EXOC4: variants seen among roughly 807,000 people sequenced by gnomAD.
EXOC4 encodes SEC8-like 1.
A neutral mutation model predicts 107.2 loss-of-function variants in EXOC4; 71 were observed. The ratio of observed to expected loss-of-function variants is 0.66; its 90% confidence interval spans 0.55 to 0.81. EXOC4 has a LOEUF of 0.81. Ranked by LOEUF, EXOC4 falls within the 30% of genes least tolerant of loss-of-function variation. EXOC4 has a pLI of 0.00. For synonymous variants in EXOC4, 456 were observed against 441.2 expected, an observed-to-expected ratio of 1.03 and a Z score of -0.42; for missense variants, 1,108 against 1,189.6, an observed-to-expected ratio of 0.93 and a Z score of 1.01.
chr7:134,090,750 T>G, the EXOC4 span, among the ~76,000 whole-genome samples: 2 of 152,002 alleles, frequency 1.3e-5, no homozygotes, highest in African/African-American at 2.4e-5. Context: ...ACTCCCCATG[T>G]CCCATGATCC....
chr7:133,640,641 A>G (rs963251047), intron 10 of EXOC4, among the ~76,000 whole-genome samples: 1 of 152,210 alleles, frequency 6.6e-6, no homozygotes, highest in Non-Finnish European at 1.5e-5. Flanking sequence ...CATTCTCTTC[A>G]TGATGAATGT....
chr7:133,329,052 C>A (rs911585513), intron 5 of EXOC4, among the ~76,000 whole-genome samples: 1 of 152,162 alleles, frequency 6.6e-6, no homozygotes, highest in African/African-American at 2.4e-5. Flanking sequence ...CTTTCAGGTA[C>A]ACCAATCAAA....
chr7:133,316,695 G>A (rs747178637), intron 4 of EXOC4, among the ~76,000 whole-genome samples: 1 of 152,152 alleles, frequency 6.6e-6, no homozygotes, highest in Non-Finnish European at 1.5e-5. Context: ...CTTAGGAAAG[G>A]TGAAATGGGT....
intron 2 of EXOC4, 94 bp from the exon 3 acceptor site, chr7:133,288,828 C>A: frequency 1.0e-6 from 1 of 977,990 alleles, no homozygotes; most frequent in Non-Finnish European, 1.5e-6. Context: ...GGAACTGCTG[C>A]ATACAGTAGT....
At chr7:133,344,353 TTCTG>T (rs1401594227) in intron 5 of EXOC4, among the ~76,000 whole-genome samples, 13 of 152,194 alleles carry the variant, frequency 8.5e-5, no homozygotes, top group Admixed American at 2.0e-4. Context: ...GTGTTGGATA[TTCTG>T]TCTTTTTAAA....
At chr7:133,391,449 C>T (rs1295610622) in intron 7 of EXOC4, among the ~76,000 whole-genome samples, 1 of 152,174 alleles carries the variant, frequency 6.6e-6, no homozygotes, top group Non-Finnish European at 1.5e-5. Flanking sequence ...TTACTTTCTA[C>T]CCAGTACTTG....
At chr7:133,449,525 C>T (rs1700549775) in intron 7 of EXOC4, among the ~76,000 whole-genome samples, 1 of 152,124 alleles carries the variant, frequency 6.6e-6, no homozygotes, top group African/African-American at 2.4e-5. Context: ...CTTTAAAAAT[C>T]TATCAACATT....
intron 7 of EXOC4, among the ~76,000 whole-genome samples, chr7:133,388,811 T>C (rs1314562851): frequency 6.6e-6 from 1 of 152,208 alleles, no homozygotes; most frequent in Non-Finnish European, 1.5e-5. Context: ...TACATTAAGA[T>C]TCTTTTAATC....
chr7:133,776,826 G>A (rs1339477341), intron 10 of EXOC4, among the ~76,000 whole-genome samples: 1 of 152,112 alleles, frequency 6.6e-6, no homozygotes, highest in Non-Finnish European at 1.5e-5. Flanking sequence ...TTTATTGCAT[G>A]TTATGGGCCA....
intron 11 of EXOC4, among the ~76,000 whole-genome samples, chr7:133,872,544 G>A (rs948445411): frequency 4.6e-5 from 7 of 152,050 alleles, no homozygotes; most frequent in Non-Finnish European, 1.0e-4. Context: ...AATAAAAGAA[G>A]AAAATGGGCA....
At chr7:133,489,790 G>C (rs13236742) in intron 9 of EXOC4, among the ~76,000 whole-genome samples, 10 of 152,086 alleles carry the variant, frequency 6.6e-5, no homozygotes, top group Non-Finnish European at 1.5e-4. Flanking sequence ...AAAAGAAAGG[G>C]ACCATAAATG....
At chr7:133,316,311 G>A (rs755573891) in intron 4 of EXOC4, among the ~76,000 whole-genome samples, 2 of 152,034 alleles carry the variant, frequency 1.3e-5, no homozygotes, top group African/African-American at 4.8e-5. Context: ...TCCTATAGGC[G>A]TGGTCTCTTC....
At chr7:133,928,362 C>T (rs10250129) in intron 13 of EXOC4, among the ~76,000 whole-genome samples, 1 of 152,070 alleles carries the variant, frequency 6.6e-6, no homozygotes, top group Non-Finnish European at 1.5e-5. Flanking sequence ...GTAGCACTGC[C>T]GAAAGCCCGT....
Position 134,058,238 on chromosome 7 carries a change from T to C in EXOC4, c.2688-6053T>C, listed in dbSNP as rs1431292319. Among the ~76,000 whole-genome samples, 4 of 152,170 alleles carry C rather than the reference T, an allele frequency of 2.6e-5. No homozygotes were observed. In the East Asian group the frequency reaches 7.7e-4, roughly 29 times the overall value. On this transcript the variant is annotated intron_variant, in intron 17 of 17. Transcript: ENST00000253861. ...CAGTCAATACTAACTTTTATTCAGCTCAATTTTTCTCCCTCTCAAATTTGT... is the reference window on the plus strand; with the variant it reads ...CAGTCAATACTAACTTTTATTCAGCCCAATTTTTCTCCCTCTCAAATTTGT...
At chr7:133,585,236 G>A (rs1006641883) in intron 9 of EXOC4, among the ~76,000 whole-genome samples, 3 of 152,118 alleles carry the variant, frequency 2.0e-5, no homozygotes, top group African/African-American at 7.2e-5. Context: ...GCAAATCCTT[G>A]TGTTATCTGT....
At chr7:133,601,547 A>G (rs1311032163) in intron 9 of EXOC4, among the ~76,000 whole-genome samples, 1 of 152,130 alleles carries the variant, frequency 6.6e-6, no homozygotes, top group African/African-American at 2.4e-5. Context: ...AAACATTTCA[A>G]TCCAGCCTCT....
At chr7:134,100,194 A>G in the EXOC4 span, among the ~76,000 whole-genome samples, 2 of 152,022 alleles carry the variant, frequency 1.3e-5, no homozygotes, top group African/African-American at 2.4e-5. Context: ...ACAGGGGGAA[A>G]TTTGGAGACA....
At chr7:134,059,769 G>A (rs1481940286) in intron 17 of EXOC4, among the ~76,000 whole-genome samples, 3 of 152,060 alleles carry the variant, frequency 2.0e-5, no homozygotes, top group Non-Finnish European at 4.4e-5. Context: ...TGGTGGGGGC[G>A]AACTACAAGA....
intron 10 of EXOC4, among the ~76,000 whole-genome samples, chr7:133,674,291 C>T (rs1247352521): frequency 2.0e-5 from 3 of 152,236 alleles, no homozygotes; most frequent in African/African-American, 7.2e-5. Context: ...CACACATTCC[C>T]CACCCAGTGG....
Sources: gnomAD v4.1 joint callset for allele counts (sites outside exome capture counted in the v4.1 genomes callset) on GRCh38, gnomAD v4.1.1 for gene constraint, MANE v1.5 for transcripts, NCBI Gene and HGNC (gene_info 2026-07-23, HGNC 2026-07-21) for gene names.